LRP1B: variants seen among roughly 807,000 people sequenced by gnomAD.
The protein encoded by LRP1B is LDL receptor related protein 1B, also known as low-density lipoprotein receptor-related protein 1B.
Under a neutral mutation model 556.6 loss-of-function variants are expected in LRP1B, and 217 were observed. The ratio of observed to expected loss-of-function variants is 0.39; its 90% confidence interval spans 0.35 to 0.44. The LOEUF (loss-of-function observed/expected upper bound fraction) is 0.44. Ranked by LOEUF, LRP1B falls within the 20% of genes least tolerant of loss-of-function variation. The pLI, the probability that LRP1B is intolerant of heterozygous loss-of-function variation, is 1.00. For synonymous variants in LRP1B, 2,047 were observed against 1,865.8 expected, an observed-to-expected ratio of 1.10 and a Z score of -2.50; for missense variants, 5,053 against 5,620.8, an observed-to-expected ratio of 0.90 and a Z score of 3.23.
intron 2 of LRP1B, among the ~76,000 whole-genome samples, chr2:141,684,258 G>A (rs1177722005): frequency 6.6e-5 from 10 of 152,090 alleles, no homozygotes; most frequent in Admixed American, 5.9e-4. Flanking sequence ...ATACACCGTG[G>A]AATACTATGC....
At chr2:141,098,607 T>C (rs778827284) in intron 7 of LRP1B, among the ~76,000 whole-genome samples, 4 of 152,154 alleles carry the variant, frequency 2.6e-5, no homozygotes, top group Admixed American at 6.6e-5. Context: ...TCTATGATGA[T>C]TAAAGGGGGA....
At chr2:141,625,014 C>T (rs1282332734) in intron 2 of LRP1B, among the ~76,000 whole-genome samples, 12 of 152,142 alleles carry the variant, frequency 7.9e-5, no homozygotes, top group Middle Eastern at 3.4e-3. Context: ...GTGATCCGCC[C>T]GCCTCAGCCT....
chr2:140,704,779 C>A (rs115707910), intron 37 of LRP1B, among the ~76,000 whole-genome samples: 3 of 152,170 alleles, frequency 2.0e-5, no homozygotes, highest in Non-Finnish European at 2.9e-5. Context: ...CTATTTTTAA[C>A]ATATTCCAAA....
chr2:142,058,484 C>A (rs1704761733), intron 1 of LRP1B, among the ~76,000 whole-genome samples: 1 of 152,154 alleles, frequency 6.6e-6, no homozygotes, highest in South Asian at 2.1e-4. Flanking sequence ...GCATGTGGGC[C>A]AGGATGGCTT....
intron 18 of LRP1B, among the ~76,000 whole-genome samples, chr2:140,975,902 T>G (rs1453940447): frequency 6.6e-6 from 1 of 152,048 alleles, no homozygotes; most frequent in African/African-American, 2.4e-5. Context: ...TCTTCCTTAT[T>G]TCTCTATTTT....
intron 87 of LRP1B, among the ~76,000 whole-genome samples, chr2:140,244,067 GA>G: frequency 6.6e-6 from 1 of 151,282 alleles, no homozygotes. Flanking sequence ...TTCATGAGAA[GA>G]AGCACTGTCT....
At chr2:140,274,332 AACAATCT>A in intron 85 of LRP1B, 85 bp downstream of exon 85, 1 of 1,169,398 alleles carries the variant, frequency 8.6e-7, no homozygotes, top group Non-Finnish European at 1.3e-6. Context: ...TTAGAATAAA[AACAATCT>A]ACAAAGTTTT....
chr2:140,636,364 G>A (rs1432979792), intron 41 of LRP1B, among the ~76,000 whole-genome samples: 1 of 152,088 alleles, frequency 6.6e-6, no homozygotes, highest in Non-Finnish European at 1.5e-5. Context: ...ATCAGCTAAT[G>A]CTTTCTTAAA....
At chr2:141,326,954 C>T (rs911638159) in intron 3 of LRP1B, among the ~76,000 whole-genome samples, 4 of 152,004 alleles carry the variant, frequency 2.6e-5, no homozygotes, top group African/African-American at 9.7e-5. Context: ...GGCAGCAGGA[C>T]CTGTTTTTAA....
chr2:141,391,034 T>C (rs1051446647), intron 3 of LRP1B, among the ~76,000 whole-genome samples: 6 of 152,140 alleles, frequency 3.9e-5, no homozygotes, highest in African/African-American at 9.7e-5. Flanking sequence ...GGCATTTAAA[T>C]TGATACAATG....
chr2:140,840,358 A>C lies in LRP1B; in HGVS notation c.5115-273T>G, dbSNP rs1203648274. On this transcript the variant is annotated intron_variant, in intron 30 of 90. Transcript: ENST00000389484. ...ATACAAGACTGAATATTTAGCTAAG[A>C]CTATAGTAAATTATTTTCTTTGTTA... Among the ~76,000 whole-genome samples, 4 of 152,272 alleles carry C rather than the reference A, an allele frequency of 2.6e-5. No homozygotes were observed. In the South Asian group the frequency reaches 8.3e-4, roughly 32 times the overall value.
intron 6 of LRP1B, among the ~76,000 whole-genome samples, chr2:141,205,103 C>CA (rs1208984415): frequency 6.6e-6 from 1 of 152,028 alleles, no homozygotes; most frequent in Non-Finnish European, 1.5e-5. Context: ...CTGACCAAGA[C>CA]AAAATATCAA....
At chr2:141,840,425 A>G (rs939204732) in intron 1 of LRP1B, among the ~76,000 whole-genome samples, 14 of 151,600 alleles carry the variant, frequency 9.2e-5, no homozygotes, top group South Asian at 4.2e-4. Flanking sequence ...CACTACGCCC[A>G]GCTAATTTTT....
At chr2:140,702,078 G>T (rs2105427690) in intron 39 of LRP1B, 63 bp downstream of exon 39, 22 of 1,561,006 alleles carry the variant, frequency 1.4e-5, no homozygotes, top group Non-Finnish European at 1.9e-5. Context: ...ATCCTACAAG[G>T]GTAAAGCAAC....
rs558157767 is a variant in LRP1B, at chr2:140,666,152, C to T, written c.6799+34098G>A. On this transcript the variant is annotated intron_variant, in intron 41 of 90. Coordinates refer to ENST00000389484, the MANE Select transcript of LRP1B (RefSeq NM_018557.3). The stretch of plus-strand genomic sequence containing the variant: ...GGGACTACAGGTGCCTGCCACTGTG[C>T]CCGGCTAATTTTTTGTATTTTTAGT... Among the ~76,000 whole-genome samples the T allele has an allele frequency of 5.4e-4, 82 of 152,046 alleles. 1 individual carries two copies. Among genetic ancestry groups the T allele is most frequent in the African/African-American group, 1.9e-3 (80 of 41,462 alleles).
At position 141,901,184 on chromosome 2, in the gene LRP1B, C is replaced by G. The variant is rs543320364; in HGVS notation, c.83-90783G>C. ...AAGGAGTTTTCTTTCTCTTTTTTCC[C>G]TCATGCAACAGAAACATGTATAATA... On this transcript the variant is annotated intron_variant, in intron 1 of 90. Transcript: ENST00000389484. 3.3e-5 allele frequency among the ~76,000 whole-genome samples: 5 copies of G among 151,992 alleles called. No individual in the cohort carries two copies. The South Asian group carries it at 1.0e-3, about 31-fold the overall frequency.
chr2:140,673,144 A>G (rs1685548477), intron 41 of LRP1B, among the ~76,000 whole-genome samples: 3 of 152,152 alleles, frequency 2.0e-5, no homozygotes, highest in African/African-American at 7.2e-5. Context: ...TCTGCATTTT[A>G]TTATAAGCAG....
chr2:140,746,567 A>C (rs1365059365), intron 35 of LRP1B, among the ~76,000 whole-genome samples: 10 of 152,182 alleles, frequency 6.6e-5, no homozygotes, highest in Non-Finnish European at 1.5e-4. Context: ...GAAATGATGC[A>C]AGTTATGCTT....
chr2:140,376,821 G>A (rs1382897073), intron 68 of LRP1B, among the ~76,000 whole-genome samples: 2 of 152,166 alleles, frequency 1.3e-5, no homozygotes, highest in African/African-American at 4.8e-5. Context: ...AGGGCTGGAA[G>A]AGACCTAGTT....
Sources: gnomAD v4.1 joint callset for allele counts (sites outside exome capture counted in the v4.1 genomes callset) on GRCh38, gnomAD v4.1.1 for gene constraint, MANE v1.5 for transcripts, NCBI Gene and HGNC (gene_info 2026-07-23, HGNC 2026-07-21) for gene names.